PRORP: variants seen among roughly 807,000 people sequenced by gnomAD.
The protein encoded by PRORP is mitochondrial ribonuclease P catalytic subunit.
In PRORP, 51 loss-of-function variants were observed where a neutral mutation model predicts 59.4. The ratio of observed to expected loss-of-function variants is 0.86; its 90% CI spans 0.69 to 1.08. PRORP has a LOEUF of 1.08. Among genes scored for constraint, PRORP ranks in the 50% least tolerant of loss-of-function variants. The probability of loss-of-function intolerance (pLI) is 0.00; values close to 1 mark genes in which losing one functional copy is unlikely to be tolerated. For missense variants in PRORP, 646 were observed against 690.3 expected (o/e 0.94, Z 0.72); for synonymous variants, 231 against 245.6 (o/e 0.94, Z 0.55).
Position 35,274,767 on chromosome 14 carries a change from G to A in PRORP, c.*1201G>A, listed in dbSNP as rs1219673038. On this transcript the variant is annotated 3_prime_UTR_variant, in exon 8 of 8. Transcript: ENST00000534898. ...CTTTTCCAAATTGGTTCAACATTTT[G>A]TGAACACTATTAATTTCATCATTCA... is the stretch of plus-strand genomic sequence containing the variant. The A allele has an allele frequency of 6.6e-6, 1 of 152,150 alleles. No individual in the cohort carries two copies. The highest frequency in any genetic ancestry group is 2.1e-4 in the South Asian group (1 of 4,830). The allele number at this position is 152,150 out of a possible 1,614,324, so 9.4% of individuals were successfully genotyped here.
chr14:35,239,565 A>G (rs2050308474), intron 5 of PRORP, among the ~76,000 whole-genome samples: 1 of 152,260 alleles, frequency 6.6e-6, no homozygotes. Context: ...TATAGTGTTC[A>G]TAAAATTAGA....
rs1471939042 is a variant in PRORP, at chr14:35,139,782, ACT to A, written c.1167+12177_1167+12178del. 2.7e-5 allele frequency among the ~76,000 whole-genome samples: 4 copies of A among 145,620 alleles called. 1 individual carries two copies. Among genetic ancestry groups the A allele is most frequent in the Non-Finnish European group, 6.1e-5 (4 of 65,474 alleles). On this transcript the variant is annotated intron_variant, in intron 4 of 7. Coordinates refer to ENST00000534898, the MANE Select transcript of PRORP (RefSeq NM_014672.4). ...GGGTAGCTTCAAATGACAGATATTTACTCTCTCACAATTCTGGAGGCTAGAAA... is the reference window on the plus strand; with the variant it reads ...GGGTAGCTTCAAATGACAGATATTTACTCTCACAATTCTGGAGGCTAGAAA...
Position 35,256,879 on chromosome 14 carries a change from T to C in PRORP, c.1276-9848T>C, listed in dbSNP as rs2050774671. 3.3e-5 allele frequency among the ~76,000 whole-genome samples: 5 copies of C among 151,700 alleles called. No individual in the cohort carries two copies. The South Asian group carries it at 8.4e-4, about 25-fold the overall frequency. On this transcript the variant is annotated intron_variant, in intron 5 of 7. Coordinates refer to ENST00000534898, the MANE Select transcript of PRORP (RefSeq NM_014672.4). ...TTTTATGATAAAATCCTTTTTTTTT[T>C]TTTTCTTTTTTGAGACCGAGTCTCG...
At chr14:35,158,555 T>C (rs2047977890) in intron 4 of PRORP, 1 of 249,670 alleles carries the variant, frequency 4.0e-6, no homozygotes, top group Non-Finnish European at 8.5e-6. Flanking sequence ...TGTTTTAAAG[T>C]TATTATCTGG....
rs1256116514 is a variant in PRORP, at chr14:35,140,503, ATTTG to A, written c.1167+12895_1167+12898del. Among the ~76,000 whole-genome samples, 6 of 145,280 alleles carry A rather than the reference ATTTG, an allele frequency of 4.1e-5. 1 individual carries two copies. The highest frequency in any genetic ancestry group is 9.2e-5 in the Non-Finnish European group (6 of 65,442). ...TCCATATATCTTTGGTATAATATTT[ATTTG>A]TTCAGATTTTTTGCCTATTTTAAAA... On this transcript the variant is annotated intron_variant, in intron 4 of 7. Transcript: ENST00000534898.
chr14:35,159,324 C>T (rs1269741281), intron 4 of PRORP, among the ~76,000 whole-genome samples: 2 of 152,148 alleles, frequency 1.3e-5, no homozygotes, highest in African/African-American at 2.4e-5. Context: ...TCTTTTTCCC[C>T]TCATCTAAAA....
rs760027707 is a variant in PRORP at position 35,270,529 on chromosome 14, T to C, written c.1553T>C (p.Phe518Ser). 15 of 1,614,040 alleles carry C rather than the reference T, an allele frequency of 9.3e-6. No homozygotes were observed. The highest frequency in any genetic ancestry group is 8.5e-6 in the Non-Finnish European group (10 of 1,180,038). ...LPDAKTQRLFFKWQQGHQLAI... is the reference protein window; with the variant it reads ...LPDAKTQRLFSKWQQGHQLAI... ...GATGCCAAGACCCAACGCCTGTTTT[T>C]TAAGTGGCAGCAGGGACATCAGCTG... The change falls in exon 7 of 8, where the codon TTT (phenylalanine) becomes TCT (serine). Residue 518 changes from phenylalanine to serine, a missense_variant. Coordinates refer to ENST00000534898, the MANE Select transcript of PRORP (RefSeq NM_014672.4).
intron 4 of PRORP, among the ~76,000 whole-genome samples, chr14:35,156,328 G>A (rs563739923): frequency 6.6e-6 from 1 of 152,344 alleles, no homozygotes; most frequent in Non-Finnish European, 1.5e-5. Context: ...GAAGTAAAAT[G>A]TGATTTCCTG....
intron 5 of PRORP, among the ~76,000 whole-genome samples, chr14:35,227,052 C>T (rs1012035365): frequency 2.0e-5 from 3 of 151,874 alleles, no homozygotes; most frequent in Middle Eastern, 3.4e-3. Context: ...AAATTCTTAC[C>T]GTCCTTGTGA....
intron 5 of PRORP, among the ~76,000 whole-genome samples, chr14:35,202,655 G>A (rs1228159007): frequency 6.6e-6 from 1 of 151,718 alleles, no homozygotes; most frequent in African/African-American, 2.4e-5. Flanking sequence ...TTAGAGACAG[G>A]GCCTCCTTCT....
chr14:35,208,755 C>T (rs1459316460), intron 5 of PRORP, among the ~76,000 whole-genome samples: 2 of 152,150 alleles, frequency 1.3e-5, no homozygotes, highest in African/African-American at 4.8e-5. Context: ...CCTGTAATCC[C>T]AGTACTTTGG....
chr14:35,248,676 GT>G (rs2050542280), intron 5 of PRORP, among the ~76,000 whole-genome samples: 1 of 152,224 alleles, frequency 6.6e-6, no homozygotes, highest in African/African-American at 2.4e-5. Flanking sequence ...CCACAACTTT[GT>G]TAGGTTTCCT....
chr14:35,234,533 A>G (rs982836138), intron 5 of PRORP, among the ~76,000 whole-genome samples: 1 of 152,170 alleles, frequency 6.6e-6, no homozygotes, highest in Non-Finnish European at 1.5e-5. Flanking sequence ...TTTTGGATGT[A>G]TGCTAATCAT....
chr14:35,124,289 A>G (rs1347835656), intron 2 of PRORP, 58 bp downstream of exon 2: 19 of 1,129,928 alleles, frequency 1.7e-5, no homozygotes, highest in Non-Finnish European at 2.3e-5. Context: ...TTTTTTTGAG[A>G]CAGGGTCTTG....
chr14:35,165,147 T>A (rs578100960), intron 4 of PRORP, among the ~76,000 whole-genome samples: 1 of 152,298 alleles, frequency 6.6e-6, no homozygotes, highest in African/African-American at 2.4e-5. Context: ...AACATAGTTG[T>A]TTTGATGTCT....
intron 5 of PRORP, among the ~76,000 whole-genome samples, chr14:35,193,634 ATTT>A (rs34186766): frequency 1.5e-4 from 20 of 129,806 alleles, no homozygotes; most frequent in Non-Finnish European, 1.7e-4. Flanking sequence ...TCCCGGGTGT[ATTT>A]TTTTTTTTTT....
chr14:35,172,379 A>C (rs1414421993), intron 4 of PRORP, among the ~76,000 whole-genome samples: 1 of 147,514 alleles, frequency 6.8e-6, no homozygotes, highest in African/African-American at 2.5e-5. Context: ...TTGTCTGCTA[A>C]CTCAGGCATC....
intron 6 of PRORP, among the ~76,000 whole-genome samples, chr14:35,267,652 G>A (rs1248971241): frequency 1.3e-5 from 2 of 152,130 alleles, no homozygotes; most frequent in Non-Finnish European, 2.9e-5. Context: ...ATGGTGGCGG[G>A]CGCCTGTAGT....
chr14:35,198,726 G>T (rs1024196285), intron 5 of PRORP, among the ~76,000 whole-genome samples: 1 of 152,146 alleles, frequency 6.6e-6, no homozygotes, highest in Admixed American at 6.5e-5. Flanking sequence ...AATTGCCTTC[G>T]ATGTCTGTTA....
Sources: allele counts gnomAD v4.1 joint callset (sites outside exome capture counted in the v4.1 genomes callset), GRCh38; gene constraint gnomAD v4.1.1; transcripts MANE v1.5; gene names NCBI Gene and HGNC (gene_info 2026-07-23, HGNC 2026-07-21).